The following EYS variants were observed in gnomAD, a reference collection of about 807,000 sequenced individuals.
The protein encoded by EYS is EGF-like photoreceptor maintenance factor, also known as protein eyes shut homolog.
In EYS, 250 loss-of-function variants were observed where a neutral mutation model predicts 282.1. The ratio of observed to expected loss-of-function variants is 0.89; its 90% CI spans 0.80 to 0.98. EYS has a LOEUF of 0.98. Ranked by LOEUF, EYS falls within the 50% of genes least tolerant of loss-of-function variation. The pLI is 0.00. For missense variants in EYS, 4,016 were observed against 3,709.0 expected, an observed-to-expected ratio of 1.08 and a Z score of -2.15; for synonymous variants, 1,355 against 1,282.9, an observed-to-expected ratio of 1.06 and a Z score of -1.20.
chr6:64,780,770 A>T (rs1023146959), intron 22 of EYS, among the ~76,000 whole-genome samples: 2 of 152,208 alleles, frequency 1.3e-5, no homozygotes, highest in African/African-American at 4.8e-5. Context: ...TTATAAAATA[A>T]TTATTAATTC....
chr6:64,765,621 A>G (rs1773298893), intron 22 of EYS, among the ~76,000 whole-genome samples: 2 of 152,352 alleles, frequency 1.3e-5, no homozygotes, highest in Admixed American at 6.5e-5. Flanking sequence ...AACAGGAAGC[A>G]TGATTGGGAG....
intron 1 of EYS, among the ~76,000 whole-genome samples, chr6:65,647,925 G>A (rs1445291150): frequency 6.6e-6 from 1 of 152,008 alleles, no homozygotes; most frequent in Non-Finnish European, 1.5e-5. Context: ...CAAACATATA[G>A]AACAATGCGT....
At chr6:64,048,400 G>A (rs1453950186) in intron 33 of EYS, among the ~76,000 whole-genome samples, 1 of 152,038 alleles carries the variant, frequency 6.6e-6, no homozygotes, top group Non-Finnish European at 1.5e-5. Flanking sequence ...ATGGCTCTGT[G>A]CTTGGGTGAG....
At chr6:63,831,082 G>C (rs967612578) in intron 36 of EYS, among the ~76,000 whole-genome samples, 1 of 152,200 alleles carries the variant, frequency 6.6e-6, no homozygotes, top group East Asian at 1.9e-4. Context: ...AACATGGAAA[G>C]GGAAAACCAG....
intron 24 of EYS, among the ~76,000 whole-genome samples, chr6:64,611,437 A>C (rs1166141089): frequency 1.3e-5 from 2 of 152,186 alleles, no homozygotes; most frequent in African/African-American, 4.8e-5. Flanking sequence ...CTACCAAATA[A>C]GCGTCCTAGC....
chr6:64,177,855 A>G (rs1475481461), intron 31 of EYS, among the ~76,000 whole-genome samples: 1 of 152,140 alleles, frequency 6.6e-6, no homozygotes, highest in Non-Finnish European at 1.5e-5. Flanking sequence ...TTATCTGTCC[A>G]GAAGGTTTTC....
In EYS at chr6:64,319,035, G is replaced by A. The variant is rs539911401; in HGVS notation, c.6079-11953C>T. ...ATTGTATCTAATTATATTTTTGTGC[G>A]TATTAACCTTTCTTTTTACTTTTGA... On this transcript the variant is annotated intron_variant, in intron 29 of 42. Transcript: ENST00000503581. Among the ~76,000 whole-genome samples the A allele has an allele frequency of 1.6e-4, 24 of 151,180 alleles. No individual in the cohort carries two copies. In the East Asian group the frequency reaches 3.9e-3, roughly 24 times the overall value.
At chr6:64,373,772 T>C (rs564143350) in intron 29 of EYS, among the ~76,000 whole-genome samples, 194 of 152,188 alleles carry the variant, frequency 1.3e-3, no homozygotes, top group Non-Finnish European at 2.1e-3. Context: ...TAAGTTCCCA[T>C]AGAAGCAGGA....
At position 65,634,358 on chromosome 6, in the gene EYS, A is replaced by G. The variant is rs1044874699; in HGVS notation, c.-333+5420T>C. On this transcript the variant is annotated intron_variant, in intron 2 of 42. Coordinates refer to ENST00000503581, the MANE Select transcript of EYS (RefSeq NM_001142800.2). Reference sequence around the variant, plus strand: ...AATTTAAAAAAATTATAATGGATGCATTCAAATGTCCTGTCATTTACTGAG... The same window carrying G: ...AATTTAAAAAAATTATAATGGATGCGTTCAAATGTCCTGTCATTTACTGAG... 3.9e-5 allele frequency among the ~76,000 whole-genome samples: 6 copies of G among 152,206 alleles called. No homozygotes were observed. The South Asian group carries it at 1.0e-3, about 26-fold the overall frequency.
intron 9 of EYS, among the ~76,000 whole-genome samples, chr6:65,348,073 A>T (rs1198751656): frequency 6.6e-6 from 1 of 151,466 alleles, no homozygotes; most frequent in East Asian, 1.9e-4. Context: ...TCATTTTTTT[A>T]TATAGCTGAA....
intron 18 of EYS, among the ~76,000 whole-genome samples, chr6:64,900,212 C>T (rs1319115058): frequency 2.0e-5 from 3 of 152,132 alleles, no homozygotes; most frequent in South Asian, 2.1e-4. Flanking sequence ...CTTCCTTACA[C>T]ATTATACAAA....
intron 12 of EYS, among the ~76,000 whole-genome samples, chr6:65,210,652 A>C (rs2150251783): frequency 6.6e-6 from 1 of 152,074 alleles, no homozygotes; most frequent in African/African-American, 2.4e-5. Flanking sequence ...ATAATAGTGT[A>C]TTATAGAGGA....
intron 2 of EYS, among the ~76,000 whole-genome samples, chr6:65,615,249 T>TTTG (rs1486982654): frequency 6.6e-6 from 1 of 152,108 alleles, no homozygotes; most frequent in African/African-American, 2.4e-5. Context: ...TTTAGGGTAC[T>TTTG]TTGCAGTTTT....
At chr6:65,535,482 C>T (rs958688427) in intron 2 of EYS, among the ~76,000 whole-genome samples, 3 of 152,136 alleles carry the variant, frequency 2.0e-5, no homozygotes, top group Non-Finnish European at 2.9e-5. Context: ...TTTTGCTTCT[C>T]CTTTGCCTTC....
At chr6:65,260,830 T>A (rs1251769499) in intron 12 of EYS, among the ~76,000 whole-genome samples, 1 of 152,090 alleles carries the variant, frequency 6.6e-6, no homozygotes, top group Non-Finnish European at 1.5e-5. Flanking sequence ...GAAACATGGC[T>A]TGTAGAGAAT....
intron 5 of EYS, among the ~76,000 whole-genome samples, chr6:65,476,251 TAAA>T (rs1210403714): frequency 2.6e-5 from 4 of 152,258 alleles, no homozygotes; most frequent in African/African-American, 9.6e-5. Context: ...AGATGCTCCT[TAAA>T]AGCTCTAATT....
At chr6:65,423,185 C>T (rs1025716014) in intron 5 of EYS, among the ~76,000 whole-genome samples, 1 of 151,748 alleles carries the variant, frequency 6.6e-6, no homozygotes, top group African/African-American at 2.4e-5. Flanking sequence ...ATCGTTGGGG[C>T]ATATTTACTG....
chr6:65,038,455 A>G lies in EYS; in HGVS notation c.2137+19159T>C, dbSNP rs534568171. Among the ~76,000 whole-genome samples the G allele has an allele frequency of 2.0e-5, 3 of 151,538 alleles. No individual in the cohort carries two copies. The East Asian group carries it at 5.8e-4, about 29-fold the overall frequency. ...GAGTAATAGTCCATTGTACATACAT[A>G]TCACTAGGTCCTTATTTATTTTCAT... is the stretch of plus-strand genomic sequence containing the variant. On this transcript the variant is annotated intron_variant, in intron 13 of 42. Coordinates refer to ENST00000503581, the MANE Select transcript of EYS (RefSeq NM_001142800.2).
At chr6:65,144,427 G>A (rs1287020921) in intron 12 of EYS, among the ~76,000 whole-genome samples, 1 of 152,064 alleles carries the variant, frequency 6.6e-6, no homozygotes, top group African/African-American at 2.4e-5. Context: ...GAAACTTGAA[G>A]GATATGGTTA....
Sources: allele counts gnomAD v4.1 joint callset (sites outside exome capture counted in the v4.1 genomes callset), GRCh38; gene constraint gnomAD v4.1.1; transcripts MANE v1.5; gene names NCBI Gene and HGNC (gene_info 2026-07-23, HGNC 2026-07-21).